Variants in C2orf76 observed in about 807,000 individuals in gnomAD.
C2orf76 encodes UPF0538 protein C2orf76.
In C2orf76, 23 loss-of-function variants were observed where a neutral mutation model predicts 16.9. That is an observed-to-expected ratio of 1.36 (90% CI 0.98 to 1.93). The LOEUF (loss-of-function observed/expected upper bound fraction) is 1.93. C2orf76 is among the 30% of genes most tolerant of loss of function. The pLI, the probability that C2orf76 is intolerant of heterozygous loss-of-function variation, is 0.00. For missense variants in C2orf76, 152 were observed against 152.6 expected (o/e 1.00, Z 0.02); for synonymous variants, 48 against 52.3 (o/e 0.92, Z 0.35).
At chr2:119,303,480 C>G (rs1219377881) in intron 5 of C2orf76, among the ~76,000 whole-genome samples, 1 of 152,174 alleles carries the variant, frequency 6.6e-6, no homozygotes, top group African/African-American at 2.4e-5. Flanking sequence ...CAAGATTATT[C>G]GTAATGCATA....
downstream of C2orf76, among the ~76,000 whole-genome samples, chr2:119,301,104 C>CACACACACACACACAA (rs531243604): frequency 4.3e-4 from 61 of 141,988 alleles, no homozygotes; most frequent in East Asian, 7.4e-3. Flanking sequence ...CACACACACA[C>CACACACACACACACAA]AACTAATTTC....
At chr2:119,343,449 C>T (rs1227824003) in intron 1 of C2orf76, among the ~76,000 whole-genome samples, 1 of 147,924 alleles carries the variant, frequency 6.8e-6, no homozygotes, top group Non-Finnish European at 1.5e-5. Context: ...CCCTCCCATA[C>T]ACACGCATAT....
chr2:119,318,795 G>A (rs147143274), intron 3 of C2orf76, among the ~76,000 whole-genome samples: 69 of 152,154 alleles, frequency 4.5e-4, no homozygotes, highest in African/African-American at 1.5e-3. Context: ...AAAGTGCTGG[G>A]ATTACAGGCA....
At chr2:119,328,548 C>T (rs1679579976) in intron 2 of C2orf76, among the ~76,000 whole-genome samples, 2 of 152,062 alleles carry the variant, frequency 1.3e-5, no homozygotes. Flanking sequence ...TATTGATCTC[C>T]AAGAATCAAC....
chr2:119,365,130 G>C (rs1016090938), intron 1 of C2orf76, among the ~76,000 whole-genome samples: 4 of 152,060 alleles, frequency 2.6e-5, no homozygotes, highest in African/African-American at 7.2e-5. Context: ...AAAAGCAACT[G>C]ATCTTTGAGA....
intron 1 of C2orf76, among the ~76,000 whole-genome samples, chr2:119,361,540 A>T (rs750631964): frequency 2.6e-5 from 4 of 152,218 alleles, no homozygotes; most frequent in Non-Finnish European, 4.4e-5. Flanking sequence ...TATAGCATTT[A>T]CATTGTATCT....
chr2:119,302,951 T>TC (rs201491719), intron 5 of C2orf76, among the ~76,000 whole-genome samples: 1,807 of 130,036 alleles, frequency 0.014, 13 homozygotes, highest in Admixed American at 0.02. Flanking sequence ...GAAAACTCTT[T>TC]TCCCCCCCTG....
intron 2 of C2orf76, among the ~76,000 whole-genome samples, chr2:119,333,414 T>G (rs1024578754): frequency 6.6e-6 from 1 of 152,202 alleles, no homozygotes. Context: ...ACTTATAAAT[T>G]AGAAAGACAC....
At chr2:119,350,273 G>T (rs1173119877) in intron 1 of C2orf76, among the ~76,000 whole-genome samples, 1 of 151,960 alleles carries the variant, frequency 6.6e-6, no homozygotes, top group Non-Finnish European at 1.5e-5. Context: ...ATATGTAACA[G>T]TTCAACAGCA....
chr2:119,339,699 A>G (rs1679962987), intron 2 of C2orf76, 128 bp downstream of exon 2: 2 of 1,006,536 alleles, frequency 2.0e-6, no homozygotes, highest in Middle Eastern at 3.3e-4. Flanking sequence ...GGGCTCGCCC[A>G]GCACCTGGCT....
At chr2:119,318,067 C>G (rs1361589647) in intron 3 of C2orf76, among the ~76,000 whole-genome samples, 2 of 152,062 alleles carry the variant, frequency 1.3e-5, no homozygotes, top group East Asian at 3.9e-4. Context: ...TGCACAGGCT[C>G]ACACCATTTC....
At chr2:119,286,242 A>G in the C2orf76 span, among the ~76,000 whole-genome samples, 1 of 148,030 alleles carries the variant, frequency 6.8e-6, no homozygotes, top group African/African-American at 2.5e-5. Flanking sequence ...AAAAAAAAAA[A>G]AAAAAGCAAG....
chr2:119,327,798 A>T (rs978359260), intron 2 of C2orf76, among the ~76,000 whole-genome samples: 1 of 152,196 alleles, frequency 6.6e-6, no homozygotes, highest in Non-Finnish European at 1.5e-5. Flanking sequence ...TAAATTACCC[A>T]GCTTCAGGTA....
At chr2:119,317,601 G>GT in intron 3 of C2orf76, 98 bp from the exon 4 acceptor site, 4 of 875,150 alleles carry the variant, frequency 4.6e-6, no homozygotes, top group Non-Finnish European at 7.1e-6. Context: ...ATTGAGAAAT[G>GT]TAAGTCCTTG....
At chr2:119,343,346 T>C (rs1680095327) in intron 1 of C2orf76, among the ~76,000 whole-genome samples, 1 of 152,092 alleles carries the variant, frequency 6.6e-6, no homozygotes, top group African/African-American at 2.4e-5. Context: ...AAGAGACATA[T>C]AGAAGCCTCT....
chr2:119,303,419 G>A (rs1678678380), intron 5 of C2orf76, among the ~76,000 whole-genome samples: 2 of 152,144 alleles, frequency 1.3e-5, no homozygotes, highest in South Asian at 2.1e-4. Flanking sequence ...AGTCTGCTTG[G>A]CTTTTACAGA....
At chr2:119,313,743 G>A (rs1679074197) in intron 4 of C2orf76, among the ~76,000 whole-genome samples, 1 of 152,082 alleles carries the variant, frequency 6.6e-6, no homozygotes, top group South Asian at 2.1e-4. Flanking sequence ...ACCACTGAGA[G>A]GACCTGTTTC....
the C2orf76 span, among the ~76,000 whole-genome samples, chr2:119,291,405 T>C: frequency 6.6e-6 from 1 of 151,844 alleles, no homozygotes; most frequent in Non-Finnish European, 1.5e-5. Context: ...GGGACGGCTT[T>C]ATCCTTATAG....
chr2:119,364,039 G>GACAGAC lies in C2orf76; in HGVS notation c.-13+2750_-13+2751insGTCTGT, dbSNP rs1553451432. Among the ~76,000 whole-genome samples the GACAGAC allele has an allele frequency of 6.6e-4, 97 of 147,678 alleles. 1 individual carries two copies. Among genetic ancestry groups the GACAGAC allele is most frequent in the African/African-American group, 2.3e-3 (93 of 39,600 alleles). On this transcript the variant is annotated intron_variant, in intron 1 of 5. Coordinates refer to ENST00000334816, the MANE Select transcript of C2orf76 (RefSeq NM_001322331.2). ...TCTCAAAAAAATAGAGAGAGAGAGA[G>GACAGAC]AGACAGACAGACAGACAGACAGACA...
Sources: allele counts gnomAD v4.1 joint callset (sites outside exome capture counted in the v4.1 genomes callset), GRCh38; gene constraint gnomAD v4.1.1; transcripts MANE v1.5; gene names NCBI Gene and HGNC (gene_info 2026-07-23, HGNC 2026-07-21).